The following TLE1 variants were observed in gnomAD, a reference collection of about 807,000 sequenced individuals.
TLE1 encodes the protein transducin-like enhancer protein 1.
TLE1 carries 21 observed loss-of-function variants against 89.8 expected under a neutral mutation model. That is an observed-to-expected ratio of 0.23 (90% CI 0.17 to 0.34). The LOEUF (loss-of-function observed/expected upper bound fraction) is 0.34, where lower values mean the gene tolerates loss of function less well. Among genes scored for constraint, TLE1 ranks in the 10% least tolerant of loss-of-function variants. TLE1 has a pLI of 1.00. For missense variants in TLE1, 795 were observed against 1,031.2 expected (o/e 0.77, Z 3.14); for synonymous variants, 447 against 407.6 (o/e 1.10, Z -1.16).
chr9:81,633,782 T>G, intron 7 of TLE1: 1 of 480,116 alleles, frequency 2.1e-6, no homozygotes, highest in Non-Finnish European at 3.7e-6. Flanking sequence ...ACAACATTAC[T>G]TTCTTTGAAA....
At chr9:81,642,407 C>T (rs769397273) in intron 6 of TLE1, among the ~76,000 whole-genome samples, 6 of 151,746 alleles carry the variant, frequency 4.0e-5, no homozygotes, top group Admixed American at 2.6e-4. Context: ...AATTGGGGTC[C>T]GAGGTCCGGG....
At chr9:81,621,596 G>A (rs1390056862) in intron 8 of TLE1, among the ~76,000 whole-genome samples, 3 of 152,158 alleles carry the variant, frequency 2.0e-5, no homozygotes, top group Non-Finnish European at 2.9e-5. Flanking sequence ...AAATAGAAGG[G>A]GCTGGGGGAT....
intron 8 of TLE1, among the ~76,000 whole-genome samples, chr9:81,621,266 A>ACTGTTG (rs1825214657): frequency 6.6e-6 from 1 of 152,200 alleles, no homozygotes; most frequent in South Asian, 2.1e-4. Context: ...CCGAGTAGGA[A>ACTGTTG]CTGTTGACCC....
chr9:81,665,707 C>T (rs1279327024), intron 4 of TLE1, among the ~76,000 whole-genome samples: 1 of 152,128 alleles, frequency 6.6e-6, no homozygotes, highest in Admixed American at 6.5e-5. Flanking sequence ...TGCAGAGGCT[C>T]TTGAATGCAT....
In TLE1 at chr9:81,605,373, A is replaced by G. The variant is rs187662561; in HGVS notation, c.1331+4847T>C. ...TTGTAACAACAAAAAATGGACTTGG[A>G]TTTGGTATCTTTTCCCTCCTATTCA... On this transcript the variant is annotated intron_variant, in intron 14 of 19. Coordinates refer to ENST00000376499, the MANE Select transcript of TLE1 (RefSeq NM_005077.5). Among the ~76,000 whole-genome samples, 476 of 152,106 alleles carry G rather than the reference A, an allele frequency of 3.1e-3. 1 individual carries two copies. Among genetic ancestry groups the G allele is most frequent in the African/African-American group, 0.011 (456 of 41,490 alleles).
intron 14 of TLE1, among the ~76,000 whole-genome samples, chr9:81,608,338 C>T (rs1823248233): frequency 6.6e-6 from 1 of 152,138 alleles, no homozygotes; most frequent in Non-Finnish European, 1.5e-5. Context: ...TAGGGAGACC[C>T]TGTCACTACA....
intron 6 of TLE1, among the ~76,000 whole-genome samples, chr9:81,643,226 TTTG>T (rs1012351808): frequency 1.4e-5 from 2 of 144,566 alleles, no homozygotes; most frequent in African/African-American, 2.5e-5. Flanking sequence ...TTGTGGTGTG[TTTG>T]TTTTTTGTTT....
intron 4 of TLE1, among the ~76,000 whole-genome samples, chr9:81,682,586 A>G (rs1249909733): frequency 6.6e-6 from 1 of 152,222 alleles, no homozygotes; most frequent in Non-Finnish European, 1.5e-5. Flanking sequence ...TCCCAAAAAT[A>G]TCAAATGAGG....
At chr9:81,602,058 T>C (rs191794831) in intron 14 of TLE1, among the ~76,000 whole-genome samples, 3 of 152,224 alleles carry the variant, frequency 2.0e-5, no homozygotes, top group Admixed American at 6.5e-5. Context: ...AGGGAGACCA[T>C]AGATGGGAAG....
At chr9:81,588,361 A>G (rs1243128934) in intron 16 of TLE1, among the ~76,000 whole-genome samples, 2 of 152,132 alleles carry the variant, frequency 1.3e-5, no homozygotes. Context: ...ACAGAGCATG[A>G]GCTCATGTAT....
At chr9:81,640,903 C>G (rs760830963) in intron 6 of TLE1, among the ~76,000 whole-genome samples, 20 of 152,136 alleles carry the variant, frequency 1.3e-4, no homozygotes, top group Non-Finnish European at 2.4e-4. Context: ...TCCTTACCAC[C>G]AACCATGGAA....
chr9:81,664,255 A>G (rs1831184119), intron 4 of TLE1, among the ~76,000 whole-genome samples: 1 of 151,710 alleles, frequency 6.6e-6, no homozygotes, highest in Non-Finnish European at 1.5e-5. Context: ...CCTCTACCAA[A>G]AAAAAAAAAA....
intron 6 of TLE1, among the ~76,000 whole-genome samples, chr9:81,638,159 C>T (rs543069718): frequency 9.9e-5 from 15 of 152,232 alleles, no homozygotes; most frequent in Non-Finnish European, 1.6e-4. Context: ...ATGGCAGTGA[C>T]GGGGGAGTTT....
At chr9:81,587,927 T>TCATCCC (rs60109467) in intron 16 of TLE1, 99 bp from the exon 17 acceptor site, 149 of 910,030 alleles carry the variant, frequency 1.6e-4, no homozygotes, top group Middle Eastern at 5.0e-4. Flanking sequence ...TGTGTGTGTG[T>TCATCCC]GTGTGTGTGT....
intron 2 of TLE1, among the ~76,000 whole-genome samples, chr9:81,686,629 A>G (rs1834315528): frequency 6.6e-6 from 1 of 152,228 alleles, no homozygotes; most frequent in African/African-American, 2.4e-5. Flanking sequence ...AATCAGGTAA[A>G]ACTTCATAGG....
intron 16 of TLE1, among the ~76,000 whole-genome samples, chr9:81,589,568 G>T (rs1389872821): frequency 6.6e-6 from 1 of 152,118 alleles, no homozygotes; most frequent in African/African-American, 2.4e-5. Flanking sequence ...AGAGCAGAAT[G>T]CCTGGGCCTC....
chr9:81,617,133 CAAAAAA>C (rs56692367), intron 9 of TLE1, among the ~76,000 whole-genome samples: 1 of 124,184 alleles, frequency 8.1e-6, no homozygotes. Context: ...CTAGTTAATG[CAAAAAA>C]AAAAAAAAAA....
At chr9:81,637,845 T>C (rs897519328) in intron 6 of TLE1, among the ~76,000 whole-genome samples, 1 of 151,974 alleles carries the variant, frequency 6.6e-6, no homozygotes, top group African/African-American at 2.4e-5. Flanking sequence ...TTGGAACACA[T>C]CTGAGTCAGG....
At chr9:81,610,173 CT>C (rs1315702034) in intron 14 of TLE1, 46 bp downstream of exon 14, 2 of 1,536,132 alleles carry the variant, frequency 1.3e-6, no homozygotes, top group Non-Finnish European at 1.8e-6. Flanking sequence ...ATACCAATGA[CT>C]GAGTAACCAC....
Sources: gnomAD v4.1 joint callset for allele counts (sites outside exome capture counted in the v4.1 genomes callset) on GRCh38, gnomAD v4.1.1 for gene constraint, MANE v1.5 for transcripts, NCBI Gene and HGNC (gene_info 2026-07-23, HGNC 2026-07-21) for gene names.